EARS2: variants seen among roughly 807,000 people sequenced by gnomAD.
EARS2 encodes the protein nondiscriminating glutamyl-tRNA synthetase EARS2, mitochondrial.
In EARS2, 50 loss-of-function variants were observed where a neutral mutation model predicts 54.1. The observed-to-expected ratio is 0.92, with a 90% CI of 0.74 to 1.17. EARS2 has a LOEUF of 1.17. Ranked by LOEUF, EARS2 falls within the 50% of genes most tolerant of loss-of-function variation. EARS2 has a pLI of 0.00. For missense variants in EARS2, 673 were observed against 675.0 expected (o/e 1.00, Z 0.03); for synonymous variants, 298 against 281.0 (o/e 1.06, Z -0.61).
chr16:23,537,094 C>A, intron 3 of EARS2: 1 of 268,986 alleles, frequency 3.7e-6, no homozygotes, highest in South Asian at 3.9e-5. Context: ...TCTTCAAGCT[C>A]TTCTGGCAGG....
chr16:23,547,974 TA>T (rs1414638522), intron 2 of EARS2, among the ~76,000 whole-genome samples: 1 of 151,982 alleles, frequency 6.6e-6, no homozygotes, highest in African/African-American at 2.4e-5. Context: ...CTCACGTCTG[TA>T]ATCCCAGCAC....
At chr16:23,530,283 GC>G (rs1965302693) in intron 5 of EARS2, among the ~76,000 whole-genome samples, 1 of 151,932 alleles carries the variant, frequency 6.6e-6, no homozygotes, top group African/African-American at 2.4e-5. Flanking sequence ...ACATCACCAT[GC>G]CCAGCTAATT....
rs1965568973 is a variant in EARS2, at chr16:23,544,542, CCTT to C, written c.454_456del (p.Lys152del). 6.2e-7 allele frequency: 1 copy of C among 1,614,114 alleles called. No homozygotes were observed. Among genetic ancestry groups the C allele is most frequent in the South Asian group, 1.1e-5 (1 of 91,062 alleles). ...GGCGTCTGGTGGTTCCGCAAGGCCTCCTTCTTCAGGAGCTCCAGCCGCTGGGGT... is the reference window on the plus strand; with the variant it reads ...GGCGTCTGGTGGTTCCGCAAGGCCTCCTTCAGGAGCTCCAGCCGCTGGGGT... On this transcript the variant is annotated inframe_deletion, in exon 3 of 9. Transcript: ENST00000449606.
intron 2 of EARS2, among the ~76,000 whole-genome samples, chr16:23,547,863 G>A (rs1462093916): frequency 6.6e-6 from 1 of 151,884 alleles, no homozygotes; most frequent in Admixed American, 6.6e-5. Flanking sequence ...TTGGGAGGCC[G>A]AGGTAGGTGG....
intron 4 of EARS2, 54 bp downstream of exon 4, chr16:23,534,834 C>T: frequency 6.8e-7 from 1 of 1,462,590 alleles, no homozygotes; most frequent in Non-Finnish European, 9.2e-7. Flanking sequence ...AGCCAAAGCC[C>T]TGCTCCTCCT....
At position 23,521,484 on chromosome 16, in the gene EARS2, T is replaced by C. The variant is rs1137265; in HGVS notation, c.*2887A>G. Among the ~76,000 whole-genome samples the C allele has an allele frequency of 6.6e-6, 1 of 151,936 alleles. No homozygotes were observed. The highest frequency in any genetic ancestry group is 2.4e-5 in the African/African-American group (1 of 41,360). Reference sequence around the variant, plus strand: ...GTGCATTCATAGCTCACTGCAGCCTTAACGCCTCAGCTCAAGTGATCCTCC... The same window carrying C: ...GTGCATTCATAGCTCACTGCAGCCTCAACGCCTCAGCTCAAGTGATCCTCC... On this transcript the variant is annotated 3_prime_UTR_variant, in exon 9 of 9. Transcript: ENST00000449606.
intron 2 of EARS2, among the ~76,000 whole-genome samples, chr16:23,547,844 C>T (rs1428808374): frequency 6.6e-6 from 1 of 151,964 alleles, no homozygotes; most frequent in Non-Finnish European, 1.5e-5. Context: ...TGCCTGTAAT[C>T]CCAGCACTTT....
chr16:23,525,413 T>C, intron 7 of EARS2, 34 bp from the exon 8 acceptor site: 6 of 1,590,494 alleles, frequency 3.8e-6, no homozygotes, highest in Non-Finnish European at 5.1e-6. Flanking sequence ...AGGGCCTGCA[T>C]GGGCCAATGG....
intron 4 of EARS2, 61 bp from the exon 5 acceptor site, chr16:23,532,826 C>T: frequency 1.6e-6 from 2 of 1,250,838 alleles, no homozygotes; most frequent in Non-Finnish European, 1.1e-6. Flanking sequence ...TCCACTTTAT[C>T]TCTTTTTTTT....
At position 23,532,165 on chromosome 16, in the gene EARS2, A is replaced by G. The variant is rs141273128; in HGVS notation, c.1067+492T>C. On this transcript the variant is annotated intron_variant, in intron 5 of 8. Transcript: ENST00000449606. ...GTTAACTATGATCTGAGTTGGAACG[A>G]TATTTGGAGGTTTCCAAGTGAAGAG... Among the ~76,000 whole-genome samples, 7 of 152,296 alleles carry G rather than the reference A, an allele frequency of 4.6e-5. 1 individual carries two copies. In the East Asian group the frequency reaches 1.4e-3, roughly 29 times the overall value.
At chr16:23,552,652 G>C (rs1965715774) in intron 1 of EARS2, among the ~76,000 whole-genome samples, 1 of 152,230 alleles carries the variant, frequency 6.6e-6, no homozygotes, top group South Asian at 2.1e-4. Context: ...ACCACGTCCA[G>C]CTACATGTTT....
chr16:23,528,231 T>C (rs1965263665), intron 7 of EARS2, among the ~76,000 whole-genome samples: 1 of 152,222 alleles, frequency 6.6e-6, no homozygotes, highest in Non-Finnish European at 1.5e-5. Flanking sequence ...CCCCATGGAC[T>C]GAGACAATTA....
intron 7 of EARS2, 57 bp from the exon 8 acceptor site, chr16:23,525,436 A>C (rs1965211018): frequency 6.4e-7 from 1 of 1,559,256 alleles, no homozygotes; most frequent in African/African-American, 1.4e-5. Flanking sequence ...AGTGGGTGGG[A>C]GGAAGGGCTT....
intron 1 of EARS2, among the ~76,000 whole-genome samples, chr16:23,555,323 A>G (rs1327410202): frequency 6.6e-6 from 1 of 152,074 alleles, no homozygotes; most frequent in African/African-American, 2.4e-5. Flanking sequence ...CCATCTCTAC[A>G]AGAAAATACA....
At chr16:23,541,944 C>T (rs1178977757) in intron 3 of EARS2, among the ~76,000 whole-genome samples, 2 of 151,652 alleles carry the variant, frequency 1.3e-5, no homozygotes, top group African/African-American at 2.4e-5. Flanking sequence ...CTGCAACCTT[C>T]GCCTCCCAGG....
At chr16:23,549,231 A>T (rs866363869) in intron 2 of EARS2, among the ~76,000 whole-genome samples, 1 of 152,094 alleles carries the variant, frequency 6.6e-6, no homozygotes, top group Non-Finnish European at 1.5e-5. Context: ...CAAGAGCTAT[A>T]ACACCCCTTG....
At position 23,548,450 on chromosome 16, in the gene EARS2, G is replaced by A. The variant is rs1396925928; in HGVS notation, c.295+3699C>T. Among the ~76,000 whole-genome samples the A allele has an allele frequency of 3.9e-5, 6 of 152,024 alleles. No individual in the cohort carries two copies. In the East Asian group the frequency reaches 1.2e-3, roughly 29 times the overall value. ...ATGCTGCCCCAGGAATTCCACGAGG[G>A]TGGGACCCGCCACCATCACCGTTGT... On this transcript the variant is annotated intron_variant, in intron 2 of 8. Coordinates refer to ENST00000449606, the MANE Select transcript of EARS2 (RefSeq NM_001083614.2).
intron 6 of EARS2, 25 bp from the exon 7 acceptor site, chr16:23,529,657 T>C (rs752675529): frequency 6.2e-7 from 1 of 1,613,494 alleles, no homozygotes; most frequent in Non-Finnish European, 8.5e-7. Flanking sequence ...AGTCATTGAA[T>C]GCACTAGGGA....
rs949346322 is a variant in EARS2, at chr16:23,524,064, T to C, written c.*307A>G. 8.4e-6 allele frequency: 3 copies of C among 359,056 alleles called. No individual in the cohort carries two copies. Among genetic ancestry groups the C allele is most frequent in the African/African-American group, 4.2e-5 (2 of 47,586 alleles). The allele number at this position is 359,056 out of a possible 1,614,324, so 22.2% of individuals were successfully genotyped here. A position where few individuals can be genotyped will look rare whatever the true frequency, so the allele number is the denominator to read the frequency against. On this transcript the variant is annotated 3_prime_UTR_variant, in exon 9 of 9. Coordinates refer to ENST00000449606, the MANE Select transcript of EARS2 (RefSeq NM_001083614.2). ...AAACTGAAACCCAAGCCTTCTGCACTGTTCCGGGATGTTAACTTTTCTGTG... is the reference window on the plus strand; with the variant it reads ...AAACTGAAACCCAAGCCTTCTGCACCGTTCCGGGATGTTAACTTTTCTGTG...
Sources: gnomAD v4.1 joint callset for allele counts (sites outside exome capture counted in the v4.1 genomes callset) on GRCh38, gnomAD v4.1.1 for gene constraint, MANE v1.5 for transcripts, NCBI Gene and HGNC (gene_info 2026-07-23, HGNC 2026-07-21) for gene names.